PDGFD: variants seen among roughly 807,000 people sequenced by gnomAD.
PDGFD encodes platelet derived growth factor D.
Under a neutral mutation model 44.7 loss-of-function variants are expected in PDGFD, and 30 were observed. The ratio of observed to expected loss-of-function variants is 0.67; its 90% CI spans 0.50 to 0.91. The LOEUF is 0.91. Among genes scored for constraint, PDGFD ranks in the 40% least tolerant of loss-of-function variants. The probability of loss-of-function intolerance (pLI) is 0.00; values close to 1 mark genes in which losing one functional copy is unlikely to be tolerated. For missense variants in PDGFD, 445 were observed against 457.8 expected, an observed-to-expected ratio of 0.97 and a Z score of 0.25; for synonymous variants, 173 against 168.4, an observed-to-expected ratio of 1.03 and a Z score of -0.21.
chr11:104,060,227 G>A (rs1470750246), intron 1 of PDGFD, among the ~76,000 whole-genome samples: 1 of 152,192 alleles, frequency 6.6e-6, no homozygotes, highest in South Asian at 2.1e-4. Context: ...TTCACTTCTA[G>A]ATCTAGGTTT....
intron 2 of PDGFD, 66 bp downstream of exon 2, chr11:103,999,985 C>T (rs891069565): frequency 3.6e-6 from 5 of 1,385,456 alleles, no homozygotes; most frequent in South Asian, 1.2e-5. Context: ...TGATACGATG[C>T]TTTAAATTCA....
At position 104,039,410 on chromosome 11, in the gene PDGFD, G is replaced by GA. The variant is rs1006173918; in HGVS notation, c.125-39156dup. Among the ~76,000 whole-genome samples, 7 of 151,952 alleles carry GA rather than the reference G, an allele frequency of 4.6e-5. No homozygotes were observed. The South Asian group carries it at 6.2e-4, about 14-fold the overall frequency. On this transcript the variant is annotated intron_variant, in intron 1 of 6. Coordinates refer to ENST00000393158, the MANE Select transcript of PDGFD (RefSeq NM_025208.5). Reference sequence around the variant, plus strand: ...ACATAAAGCATTCCCAAAGGATACAGAAAAAAATAACTCTCCCTTATAATC... The same window carrying GA: ...ACATAAAGCATTCCCAAAGGATACAGAAAAAAAATAACTCTCCCTTATAATC...
At chr11:104,071,158 AC>A (rs1350268248) in intron 1 of PDGFD, among the ~76,000 whole-genome samples, 2 of 152,024 alleles carry the variant, frequency 1.3e-5, no homozygotes, top group Non-Finnish European at 2.9e-5. Flanking sequence ...AGTACTACTA[AC>A]TATAAGCACA....
intron 4 of PDGFD, 82 bp downstream of exon 4, chr11:103,947,580 A>C: frequency 2.0e-5 from 20 of 1,011,082 alleles, no homozygotes; most frequent in Non-Finnish European, 3.2e-5. Flanking sequence ...ACAGGTCCTT[A>C]ATGCAGGTGA....
chr11:104,160,777 G>C (rs544621442), intron 1 of PDGFD, among the ~76,000 whole-genome samples: 1 of 149,896 alleles, frequency 6.7e-6, no homozygotes, highest in South Asian at 2.2e-4. Context: ...GAAAGGCTCT[G>C]CAGATATACC....
intron 3 of PDGFD, among the ~76,000 whole-genome samples, chr11:103,951,903 CA>C (rs1269945315): frequency 5.3e-5 from 8 of 152,220 alleles, no homozygotes; most frequent in African/African-American, 1.7e-4. Flanking sequence ...AGTGAAATCA[CA>C]CTCCGGAATG....
intron 1 of PDGFD, among the ~76,000 whole-genome samples, chr11:104,063,795 C>T (rs1364327258): frequency 6.6e-6 from 1 of 152,152 alleles, no homozygotes; most frequent in Non-Finnish European, 1.5e-5. Flanking sequence ...GTGTGGGGAA[C>T]TCTGCCCTCA....
intron 3 of PDGFD, among the ~76,000 whole-genome samples, chr11:103,976,374 A>G (rs2134348138): frequency 6.6e-6 from 1 of 152,134 alleles, no homozygotes; most frequent in South Asian, 2.1e-4. Context: ...TTGCACATTG[A>G]TTTTGTATCC....
chr11:104,090,898 C>T (rs911865369), intron 1 of PDGFD, among the ~76,000 whole-genome samples: 2 of 152,056 alleles, frequency 1.3e-5, no homozygotes, highest in African/African-American at 4.8e-5. Context: ...CCCACAGATC[C>T]TGCAGTAGTC....
intron 3 of PDGFD, among the ~76,000 whole-genome samples, chr11:103,980,634 C>A (rs938311483): frequency 2.0e-5 from 3 of 151,988 alleles, no homozygotes; most frequent in Admixed American, 6.6e-5. Flanking sequence ...CTTAAAGGAC[C>A]TTGAATACTG....
chr11:104,053,509 C>T (rs912336624), intron 1 of PDGFD, among the ~76,000 whole-genome samples: 1 of 152,150 alleles, frequency 6.6e-6, no homozygotes, highest in South Asian at 2.1e-4. Flanking sequence ...TAAAATGCTT[C>T]AGATTGGGTT....
chr11:104,141,069 T>C (rs1222805219), intron 1 of PDGFD, among the ~76,000 whole-genome samples: 1 of 152,168 alleles, frequency 6.6e-6, no homozygotes, highest in Non-Finnish European at 1.5e-5. Flanking sequence ...CCAAACACAA[T>C]TTACGGTGCT....
intron 1 of PDGFD, among the ~76,000 whole-genome samples, chr11:104,130,451 C>T (rs549875946): frequency 9.1e-4 from 139 of 152,192 alleles, no homozygotes; most frequent in African/African-American, 2.9e-3. Context: ...TCCAGGTGGG[C>T]AAGAGATTAA....
At chr11:104,100,060 T>C (rs1861350316) in intron 1 of PDGFD, among the ~76,000 whole-genome samples, 1 of 152,092 alleles carries the variant, frequency 6.6e-6, no homozygotes, top group East Asian at 1.9e-4. Flanking sequence ...AAAAGTCGAC[T>C]ACATGCATGA....
chr11:103,934,266 C>G (rs969622813), intron 5 of PDGFD, among the ~76,000 whole-genome samples: 4 of 152,184 alleles, frequency 2.6e-5, no homozygotes, highest in African/African-American at 9.7e-5. Context: ...TAAATCCTAC[C>G]TCTCAGTAGG....
intron 1 of PDGFD, chr11:104,038,439 T>A (rs1253955352): frequency 5.6e-6 from 1 of 178,798 alleles, no homozygotes; most frequent in African/African-American, 2.4e-5. Context: ...TAATTCTTTC[T>A]ACTGAGAGAA....
chr11:104,118,365 A>G (rs1056280782), intron 1 of PDGFD, among the ~76,000 whole-genome samples: 1 of 151,924 alleles, frequency 6.6e-6, no homozygotes, highest in Non-Finnish European at 1.5e-5. Context: ...TACAAACCAG[A>G]AAGTGGACTC....
chr11:104,164,061 C>G lies in PDGFD; in HGVS notation c.-134G>C. Reference sequence around the variant, plus strand: ...TGGCCCGGGTCGCTGTGCTAATCGCCGAGCTCTCCCCAAACTTCCTGCATG... The same window carrying G: ...TGGCCCGGGTCGCTGTGCTAATCGCGGAGCTCTCCCCAAACTTCCTGCATG... On this transcript the variant is annotated 5_prime_UTR_variant, in exon 1 of 7. Transcript: ENST00000393158. 1.0e-6 allele frequency: 1 copy of G among 988,836 alleles called. No individual in the cohort carries two copies. The highest frequency in any genetic ancestry group is 1.4e-6 in the Non-Finnish European group (1 of 716,466). The allele number at this position is 988,836 out of a possible 1,614,324, so 61.3% of individuals were successfully genotyped here.
chr11:104,064,426 A>G (rs1448181914), intron 1 of PDGFD, among the ~76,000 whole-genome samples: 5 of 152,212 alleles, frequency 3.3e-5, no homozygotes, highest in African/African-American at 1.2e-4. Flanking sequence ...CCTTTCCGTG[A>G]GGCAGGCAGA....
Sources: allele counts gnomAD v4.1 joint callset (sites outside exome capture counted in the v4.1 genomes callset), GRCh38; gene constraint gnomAD v4.1.1; transcripts MANE v1.5; gene names NCBI Gene and HGNC (gene_info 2026-07-23, HGNC 2026-07-21).